Variants in UTS2B observed in about 807,000 individuals in gnomAD.
UTS2B encodes the protein urotensin 2B, also known as urotensin-2B.
UTS2B carries 21 observed loss-of-function variants against 19.2 expected under a neutral mutation model. The ratio of observed to expected loss-of-function variants is 1.09; its 90% CI spans 0.78 to 1.58. The LOEUF (loss-of-function observed/expected upper bound fraction) is 1.58. Ranked by LOEUF, UTS2B falls within the 40% of genes most tolerant of loss-of-function variation. The pLI, the probability that UTS2B is intolerant of heterozygous loss-of-function variation, is 0.00. For synonymous variants in UTS2B, 57 were observed against 50.2 expected (o/e 1.14, Z -0.58); for missense variants, 138 against 130.3 (o/e 1.06, Z -0.29).
At chr3:191,339,965 A>G in the UTS2B span, among the ~76,000 whole-genome samples, 1 of 152,220 alleles carries the variant, frequency 6.6e-6, no homozygotes, top group Non-Finnish European at 1.5e-5. Context: ...GAAGAAAGCA[A>G]TATTTGGTGT....
chr3:191,275,018 G>A (rs574153056), intron 8 of UTS2B, among the ~76,000 whole-genome samples: 1 of 152,230 alleles, frequency 6.6e-6, no homozygotes, highest in East Asian at 1.9e-4. Context: ...TATACAATAA[G>A]GACCTATTTT....
At chr3:191,298,960 A>G (rs904146058) in intron 4 of UTS2B, among the ~76,000 whole-genome samples, 1 of 152,206 alleles carries the variant, frequency 6.6e-6, no homozygotes, top group Non-Finnish European at 1.5e-5. Flanking sequence ...TGCTCTAGGG[A>G]TCTGTGGAAC....
intron 7 of UTS2B, among the ~76,000 whole-genome samples, chr3:191,275,770 T>C (rs77642748): frequency 0.027 from 3,473 of 127,308 alleles, 148 homozygotes; most frequent in African/African-American, 0.097. Context: ...AGAGAGAAAA[T>C]GGATGAAAGA....
chr3:191,273,647 GA>G, intron 8 of UTS2B: 1 of 455,026 alleles, frequency 2.2e-6, no homozygotes, highest in Non-Finnish European at 4.4e-6. Context: ...CTGAGATTTA[GA>G]TTACAACTGT....
At chr3:191,333,839 C>T (rs936140193), upstream of UTS2B, among the ~76,000 whole-genome samples, 3 of 151,876 alleles carry the variant, frequency 2.0e-5, no homozygotes, top group African/African-American at 7.3e-5. Context: ...CTTATTTATA[C>T]CAGCATTAAA....
At chr3:191,327,358 G>T (rs1192305731) in intron 2 of UTS2B, among the ~76,000 whole-genome samples, 1 of 152,276 alleles carries the variant, frequency 6.6e-6, no homozygotes, top group East Asian at 1.9e-4. Flanking sequence ...TTAGCCAGGC[G>T]TTGTGGTGCA....
chr3:191,279,596 T>C (rs551459606), intron 5 of UTS2B, among the ~76,000 whole-genome samples: 1 of 152,120 alleles, frequency 6.6e-6, no homozygotes, highest in Non-Finnish European at 1.5e-5. Context: ...TAAAGCTTTT[T>C]TCCCCTTAAT....
chr3:191,334,471 A>G (rs1172948775), upstream of UTS2B, among the ~76,000 whole-genome samples: 1 of 152,150 alleles, frequency 6.6e-6, no homozygotes, highest in Non-Finnish European at 1.5e-5. Context: ...GAGATTTCAG[A>G]GTAGAAAGCA....
the UTS2B span, among the ~76,000 whole-genome samples, chr3:191,339,685 A>G: frequency 6.6e-6 from 1 of 152,212 alleles, no homozygotes; most frequent in South Asian, 2.1e-4. Flanking sequence ...TACTCTGATC[A>G]TCTGGCCCCA....
At chr3:191,334,897 G>T (rs971141480), upstream of UTS2B, among the ~76,000 whole-genome samples, 1 of 152,082 alleles carries the variant, frequency 6.6e-6, no homozygotes, top group African/African-American at 2.4e-5. Flanking sequence ...ACAACTTTTA[G>T]TTTTGATTCA....
intron 1 of UTS2B, chr3:191,329,605 G>T: frequency 5.9e-6 from 9 of 1,529,084 alleles, no homozygotes; most frequent in African/African-American, 1.4e-5. Context: ...TGCTGCGCTC[G>T]GGGCCCCGCT....
At chr3:191,287,512 T>A (rs1328921705) in intron 4 of UTS2B, among the ~76,000 whole-genome samples, 1 of 151,980 alleles carries the variant, frequency 6.6e-6, no homozygotes, top group East Asian at 1.9e-4. Context: ...ATACAATAAT[T>A]TCAACAGATG....
At chr3:191,304,877 A>G (rs904905749) in intron 3 of UTS2B, among the ~76,000 whole-genome samples, 2 of 152,028 alleles carry the variant, frequency 1.3e-5, no homozygotes, top group African/African-American at 4.8e-5. Flanking sequence ...CTATGTGTCC[A>G]TGTGTTCTCA....
At chr3:191,305,401 C>T (rs752078654) in intron 3 of UTS2B, among the ~76,000 whole-genome samples, 4 of 152,124 alleles carry the variant, frequency 2.6e-5, no homozygotes, top group Admixed American at 6.5e-5. Context: ...TTTTGATTTT[C>T]ATTTCTCTAA....
chr3:191,333,582 C>T (rs1287178004), upstream of UTS2B, among the ~76,000 whole-genome samples: 1 of 152,142 alleles, frequency 6.6e-6, no homozygotes, highest in Non-Finnish European at 1.5e-5. Flanking sequence ...GGCTGGATCT[C>T]TTGGAGCTAG....
chr3:191,327,402 C>G (rs975041739), intron 2 of UTS2B, among the ~76,000 whole-genome samples: 13 of 152,194 alleles, frequency 8.5e-5, no homozygotes, highest in African/African-American at 3.1e-4. Context: ...GAGGCTGAGG[C>G]ACGAGAATCA....
chr3:191,336,132 GTT>G, the UTS2B span, among the ~76,000 whole-genome samples: 2 of 137,152 alleles, frequency 1.5e-5, no homozygotes, highest in African/African-American at 2.7e-5. Context: ...GTGTACAAGT[GTT>G]TTTTTTTTTT....
upstream of UTS2B, among the ~76,000 whole-genome samples, chr3:191,333,071 G>T (rs1448869850): frequency 3.9e-5 from 6 of 151,904 alleles, no homozygotes; most frequent in African/African-American, 7.3e-5. Flanking sequence ...ACATTCTTTA[G>T]GTGGAAAGTT....
At chr3:191,329,941 T>A (rs1409216229) in intron 1 of UTS2B, among the ~76,000 whole-genome samples, 1 of 5,354 alleles carries the variant, frequency 1.9e-4, no homozygotes, top group Non-Finnish European at 5.0e-4. Flanking sequence ...AAGGGGGTGG[T>A]TGGGGGGGGG....
Sources: allele counts gnomAD v4.1 joint callset (sites outside exome capture counted in the v4.1 genomes callset), GRCh38; gene constraint gnomAD v4.1.1; transcripts MANE v1.5; gene names NCBI Gene and HGNC (gene_info 2026-07-23, HGNC 2026-07-21).